The following ABI3BP variants were observed in gnomAD, a reference collection of about 807,000 sequenced individuals.
ABI3BP encodes the protein ABI family member 3 binding protein, also known as target of Nesh-SH3.
A neutral mutation model predicts 268.6 loss-of-function variants in ABI3BP; 216 were observed. That is an observed-to-expected ratio of 0.80 (90% CI 0.72 to 0.90). ABI3BP has a LOEUF of 0.90. ABI3BP is among the 40% of genes least tolerant of loss of function. The probability of loss-of-function intolerance (pLI) is 0.00; values close to 1 mark genes in which losing one functional copy is unlikely to be tolerated. For missense variants in ABI3BP, 2,090 were observed against 2,182.4 expected (o/e 0.96, Z 0.84); for synonymous variants, 730 against 730.0 (o/e 1.00, Z 0.00).
chr3:100,763,019 C>CAT (rs2096060231), intron 63 of ABI3BP, among the ~76,000 whole-genome samples: 1 of 152,108 alleles, frequency 6.6e-6, no homozygotes, highest in Non-Finnish European at 1.5e-5. Flanking sequence ...TTCACTGAAC[C>CAT]ATACCAAATT....
chr3:100,890,983 A>G (rs1276295665), intron 4 of ABI3BP, among the ~76,000 whole-genome samples: 1 of 102,752 alleles, frequency 9.7e-6, no homozygotes, highest in Non-Finnish European at 2.3e-5. Context: ...AAACTGGTCA[A>G]CTTTTTTTTT....
At chr3:100,811,104 A>G (rs551080319) in intron 48 of ABI3BP, 126 bp downstream of exon 48, 1 of 740,638 alleles carries the variant, frequency 1.4e-6, no homozygotes, top group East Asian at 2.9e-5. Context: ...CTTGAAAGAA[A>G]AGTAACTGCC....
chr3:100,829,478 T>C, intron 33 of ABI3BP, 103 bp downstream of exon 33: 14 of 1,060,684 alleles, frequency 1.3e-5, no homozygotes, highest in Non-Finnish European at 1.9e-5. Context: ...CATTGCCTAG[T>C]CTGATGTGGA....
At position 100,825,823 on chromosome 3, in the gene ABI3BP, G is replaced by C. The variant is rs1484849676; in HGVS notation, c.2624C>G (p.Pro875Arg). 2 of 1,535,420 alleles carry C rather than the reference G, an allele frequency of 1.3e-6. No homozygotes were observed. Among genetic ancestry groups the C allele is most frequent in the South Asian group, 2.4e-5 (2 of 84,054 alleles). Reference protein sequence around the residue: ...TTFVPVTDLEPVTFRTEIPAT... With the variant: ...TTFVPVTDLERVTFRTEIPAT... The stretch of plus-strand genomic sequence containing the variant: ...AGGGATCTCAGTTCTAAAAGTAACA[G>C]GCTCGAGGTCTGTAACAGGAACTGA... Residue 875 changes from proline to arginine, a missense_variant, in exon 35 of 68, where the codon CCT (proline) becomes CGT (arginine). Transcript: ENST00000471714.
Position 100,776,087 on chromosome 3 carries a change from T to C in ABI3BP, c.4334-752A>G, listed in dbSNP as rs75234597. 4.6e-3 allele frequency among the ~76,000 whole-genome samples: 695 copies of C among 152,314 alleles called. 5 individuals are homozygous for C. Among genetic ancestry groups the C allele is most frequent in the Non-Finnish European group, 7.3e-3 (494 of 68,024 alleles). ...ATATTCAACAGTGACTCCTCCACTCTTAAAACACTTATAAGTCCCTAAAAC... is the reference window on the plus strand; with the variant it reads ...ATATTCAACAGTGACTCCTCCACTCCTAAAACACTTATAAGTCCCTAAAAC... On this transcript the variant is annotated intron_variant, in intron 59 of 67. Transcript: ENST00000471714.
chr3:100,817,644 A>G, intron 41 of ABI3BP, 149 bp from the exon 42 acceptor site: 1 of 512,490 alleles, frequency 2.0e-6, no homozygotes, highest in Non-Finnish European at 3.4e-6. Flanking sequence ...CTCATAAGAC[A>G]GATTTGCAAG....
chr3:100,912,595 C>T (rs190431940), intron 2 of ABI3BP, among the ~76,000 whole-genome samples: 15 of 152,104 alleles, frequency 9.9e-5, no homozygotes, highest in African/African-American at 2.9e-4. Flanking sequence ...GAAATATTGT[C>T]GATTCTGATT....
At chr3:100,764,853 A>G (rs2096191416) in intron 63 of ABI3BP, among the ~76,000 whole-genome samples, 1 of 152,246 alleles carries the variant, frequency 6.6e-6, no homozygotes, top group Non-Finnish European at 1.5e-5. Context: ...AAGTCTTTTA[A>G]GAAAATTAGC....
chr3:100,785,250 C>T (rs2096995592), intron 57 of ABI3BP, among the ~76,000 whole-genome samples: 1 of 152,004 alleles, frequency 6.6e-6, no homozygotes, highest in Non-Finnish European at 1.5e-5. Context: ...AACCATTTAA[C>T]ACAAAAATGA....
chr3:100,894,952 A>AAAAAAAAAAAAAAAAAAAAAAAC (rs1561384128), intron 4 of ABI3BP, among the ~76,000 whole-genome samples: 10 of 111,724 alleles, frequency 9.0e-5, no homozygotes, highest in Non-Finnish European at 2.3e-4. Context: ...AAAAAAAAAA[A>AAAAAAAAAAAAAAAAAAAAAAAC]AAAAAAAAAA....
intron 15 of ABI3BP, among the ~76,000 whole-genome samples, chr3:100,851,488 T>C (rs1580489191): frequency 6.6e-6 from 1 of 152,278 alleles, no homozygotes; most frequent in East Asian, 1.9e-4. Flanking sequence ...CAAAACTGTC[T>C]CCACATTAGC....
intron 63 of ABI3BP, among the ~76,000 whole-genome samples, chr3:100,758,131 G>A (rs546684010): frequency 3.3e-5 from 5 of 151,476 alleles, no homozygotes; most frequent in Non-Finnish European, 7.4e-5. Context: ...AATCTTCCCC[G>A]CGCATCCCCA....
intron 4 of ABI3BP, among the ~76,000 whole-genome samples, chr3:100,889,098 T>C (rs1200358190): frequency 6.6e-6 from 1 of 152,146 alleles, no homozygotes; most frequent in Admixed American, 6.6e-5. Flanking sequence ...TTGCAACACA[T>C]CATTGCATAA....
chr3:100,890,711 C>T (rs994022137), intron 4 of ABI3BP, among the ~76,000 whole-genome samples: 4 of 152,070 alleles, frequency 2.6e-5, no homozygotes, highest in Admixed American at 1.3e-4. Context: ...TATAGTAAAA[C>T]CTTATGACCA....
chr3:100,778,858 T>G (rs1171234213), intron 58 of ABI3BP, among the ~76,000 whole-genome samples: 1 of 152,242 alleles, frequency 6.6e-6, no homozygotes. Context: ...TTGAGCATCC[T>G]CAGATTTTAG....
intron 52 of ABI3BP, among the ~76,000 whole-genome samples, 180 bp from the exon 53 acceptor site, chr3:100,796,031 A>G (rs1055289880): frequency 2.6e-5 from 4 of 152,118 alleles, no homozygotes; most frequent in African/African-American, 9.7e-5. Context: ...TTTAACTAAA[A>G]CTTTGAAGTT....
intron 1 of ABI3BP, among the ~76,000 whole-genome samples, chr3:100,965,854 A>G (rs2081087024): frequency 6.6e-6 from 1 of 152,138 alleles, no homozygotes. Context: ...TGCTCAATTC[A>G]TGTTTTAGAT....
rs2097238230 is a variant in ABI3BP, at chr3:100,792,849, T to C, written c.3947-81A>G. On this transcript the variant is annotated intron_variant, in intron 54 of 67. Coordinates refer to ENST00000471714, the MANE Select transcript of ABI3BP (RefSeq NM_001375547.2). The stretch of plus-strand genomic sequence containing the variant: ...CCAAAAAAACCCATACTCTTTTCTG[T>C]CCCATGCAATAATAAAAGGATAAGT... The C allele has an allele frequency of 5.0e-5, 57 of 1,148,570 alleles. 1 individual carries two copies. The East Asian group carries it at 1.4e-3, about 28-fold the overall frequency. The allele number at this position is 1,148,570 out of a possible 1,614,324, so 71.1% of individuals were successfully genotyped here. A position where few individuals can be genotyped will look rare whatever the true frequency, so the allele number is the denominator to read the frequency against.
intron 2 of ABI3BP, among the ~76,000 whole-genome samples, chr3:100,904,387 G>T (rs372811320): frequency 4.6e-5 from 7 of 152,176 alleles, no homozygotes; most frequent in African/African-American, 1.7e-4. Flanking sequence ...ATGCATGTGA[G>T]TGGGGGAAAC....
Sources: gnomAD v4.1 joint callset for allele counts (sites outside exome capture counted in the v4.1 genomes callset) on GRCh38, gnomAD v4.1.1 for gene constraint, MANE v1.5 for transcripts, NCBI Gene and HGNC (gene_info 2026-07-23, HGNC 2026-07-21) for gene names.